GPR179: variants seen among roughly 807,000 people sequenced by gnomAD.
The protein encoded by GPR179 is probable G protein-coupled receptor 179.
A neutral mutation model predicts 70.8 loss-of-function variants in GPR179; 52 were observed. The ratio of observed to expected loss-of-function variants is 0.73; its 90% CI spans 0.59 to 0.93. The LOEUF (loss-of-function observed/expected upper bound fraction) is 0.93, where lower values mean the gene tolerates loss of function less well. Among genes scored for constraint, GPR179 ranks in the 40% least tolerant of loss-of-function variants. The pLI is 0.00. For synonymous variants in GPR179, 1,123 were observed against 1,169.0 expected (o/e 0.96, Z 0.80); for missense variants, 2,734 against 2,966.8 (o/e 0.92, Z 1.82).
At position 38,331,159 on chromosome 17, in the gene GPR179, G is replaced by A. The variant is rs201086495; in HGVS notation, c.2410C>T (p.Arg804Trp). The A allele has an allele frequency of 5.9e-4, 950 of 1,607,552 alleles. 5 individuals carry two copies. The Middle Eastern group carries it at 6.0e-3, about 10-fold the overall frequency. Residue 804 changes from arginine (R) to tryptophan (W), a missense_variant, in exon 11 of 11, where the codon CGG becomes TGG. By Grantham distance (101) the Arg-to-Trp change is moderately radical (BLOSUM62 -3). Transcript: ENST00000616987. The stretch of plus-strand genomic sequence containing the variant: ...GCAGGGGGCCCCTCCACCGACTCCC[G>A]GCTCTCTGTTCGAGAGGCCTTCTTG... Reference protein sequence around the residue: ...LAKKASRTESRESVEGPPALG... With the variant: ...LAKKASRTESWESVEGPPALG...
rs546199710 is a variant in GPR179, at chr17:38,326,510, A to C, written c.7059T>G (p.Tyr2353Ter). ...DSGQVAFEAQ[Y>*]EEFTPPTVYP... ...AGACAGTGGGAGGGGTGAATTCTTC[A>C]TACTGAGCTTCAAAAGCCACTTGGC... The change falls in exon 11 of 11, where the codon TAT (tyrosine) becomes TAG (stop). Residue 2353 changes from tyrosine to a stop codon, truncating the protein, a stop_gained. Transcript: ENST00000616987. LOFTEE classifies it high-confidence loss of function. The C allele has an allele frequency of 6.8e-6, 11 of 1,613,790 alleles. No individual in the cohort carries two copies. In the South Asian group the frequency reaches 8.8e-5, roughly 13 times the overall value.
chr17:38,333,166 A>G, intron 10 of GPR179, 85 bp downstream of exon 10: 1 of 1,277,648 alleles, frequency 7.8e-7, no homozygotes, highest in East Asian at 2.3e-5. Context: ...GCAGTGGCAC[A>G]TAGCCCAGGT....
chr17:38,329,445 A>T lies in GPR179; in HGVS notation c.4124T>A (p.Ile1375Asn). 1 of 1,613,028 alleles carries T rather than the reference A, an allele frequency of 6.2e-7. No homozygotes were observed. The highest frequency in any genetic ancestry group is 1.3e-5 in the African/African-American group (1 of 74,578). ...AAGPEAHTPDITKAEPCPWEA... is the reference protein window; with the variant it reads ...AAGPEAHTPDNTKAEPCPWEA... ...CCAGGGACACGGCTCTGCCTTGGTG[A>T]TGTCAGGGGTATGAGCTTCTGGGCC... The change falls in exon 11 of 11, where the codon ATC becomes AAC. Residue 1375 changes from isoleucine (I) to asparagine (N), a missense_variant. Coordinates refer to ENST00000616987, the MANE Select transcript of GPR179 (RefSeq NM_001004334.4).
rs760586365 is a variant in GPR179, at chr17:38,325,398, T to A, written c.*1067A>T. ...TGGCTGTGTACAGGACTGCCTTTCTTGAGCTCCTCTGGAAGGAGATTGATG... is the reference window on the plus strand; with the variant it reads ...TGGCTGTGTACAGGACTGCCTTTCTAGAGCTCCTCTGGAAGGAGATTGATG... On this transcript the variant is annotated 3_prime_UTR_variant, in exon 11 of 11. Transcript: ENST00000616987. The A allele has an allele frequency of 1.4e-5, 2 of 141,056 alleles. No homozygotes were observed. Among genetic ancestry groups the A allele is most frequent in the Non-Finnish European group, 3.0e-5 (2 of 67,168 alleles). The allele number at this position is 141,056 out of a possible 1,614,324, so 8.7% of individuals were successfully genotyped here.
At position 38,343,327 on chromosome 17, in the gene GPR179, G is replaced by A. The variant is rs2037466720; in HGVS notation, c.463C>T (p.Pro155Ser). ...YRALLTFNPPPGASHLQLALQ... is the reference protein window; with the variant it reads ...YRALLTFNPPSGASHLQLALQ... ...GCCAGCTGTAGGTGGCTGGCCCCTGGTGGAGGGTTAAAGGTCAGCAAAGCC... is the reference window on the plus strand; with the variant it reads ...GCCAGCTGTAGGTGGCTGGCCCCTGATGGAGGGTTAAAGGTCAGCAAAGCC... The change falls in exon 1 of 11, where the codon CCA becomes TCA. Residue 155 changes from proline (P) to serine (S), a missense_variant. Physicochemically the swap from Pro to Ser is moderately conservative, Grantham distance 74. Coordinates refer to ENST00000616987, the MANE Select transcript of GPR179 (RefSeq NM_001004334.4). The surrounding 1 kb of genome is among the most constrained non-coding windows in gnomAD (Gnocchi z 4.2). 6.2e-7 allele frequency: 1 copy of A among 1,614,156 alleles called. No individual in the cohort carries two copies. Among genetic ancestry groups the A allele is most frequent in the Non-Finnish European group, 8.5e-7 (1 of 1,180,012 alleles).
intron 1 of GPR179, 109 bp downstream of exon 1, chr17:38,342,887 C>G: frequency 2.8e-6 from 3 of 1,064,288 alleles, no homozygotes; most frequent in Non-Finnish European, 4.1e-6. Context: ...TGTGTGCCCC[C>G]CAGGCATGCA....
rs932131291 is a variant in GPR179, at chr17:38,334,579, C to T, written c.1784+125G>A. On this transcript the variant is annotated intron_variant, in intron 8 of 10. Coordinates refer to ENST00000616987, the MANE Select transcript of GPR179 (RefSeq NM_001004334.4). The surrounding 1 kb of genome is among the most constrained non-coding windows in gnomAD (Gnocchi z 4.7). ...TAGGGAGAGAGCCAGAAGTGGGGGC[C>T]TTCGTCAACGTGCTGAGGCGTAGCA... is the stretch of plus-strand genomic sequence containing the variant. The T allele has an allele frequency of 3.0e-6, 3 of 1,012,316 alleles. No homozygotes were observed. The highest frequency in any genetic ancestry group is 3.2e-5 in the African/African-American group (2 of 63,208). 62.7% of individuals were successfully genotyped at this position (1,012,316 alleles called of 1,614,324 possible). A position where few individuals can be genotyped will look rare whatever the true frequency, so the allele number is the denominator to read the frequency against.
rs1401813884 is a variant in GPR179, at chr17:38,330,548, C to G, written c.3021G>C (p.Val1007=). 16 of 1,569,594 alleles carry G rather than the reference C, an allele frequency of 1.0e-5. No individual in the cohort carries two copies. The East Asian group carries it at 3.6e-4, about 35-fold the overall frequency. ...CTGGCCCTGAGGGGCCTTCCTGGGG[C>G]ACATTTTCTTGCTTGGCTGGCAGTT... The part of the protein sequence containing the change: ...NAELPAKQEN[V]PQEGPSGPER... The change falls in exon 11 of 11, where the codon GTG becomes GTC. Residue 1007 remains valine, a synonymous_variant. Coordinates refer to ENST00000616987, the MANE Select transcript of GPR179 (RefSeq NM_001004334.4).
At chr17:38,340,177 C>A (rs1232645354) in intron 1 of GPR179, among the ~76,000 whole-genome samples, 4 of 152,206 alleles carry the variant, frequency 2.6e-5, no homozygotes, top group South Asian at 4.1e-4. Context: ...TGCTCTGTTG[C>A]CCAGGCTGGA....
intron 6 of GPR179, 115 bp downstream of exon 6, chr17:38,335,476 G>C: frequency 1.2e-6 from 1 of 831,412 alleles, no homozygotes; most frequent in Non-Finnish European, 2.0e-6. Flanking sequence ...GTTGGCCTTG[G>C]GGGTAGAGGG....
In GPR179 at chr17:38,334,007, A is replaced by C; in HGVS notation, c.1816T>G (p.Trp606Gly). 1.2e-6 allele frequency: 2 copies of C among 1,613,996 alleles called. No homozygotes were observed. The highest frequency in any genetic ancestry group is 1.7e-6 in the Non-Finnish European group (2 of 1,179,930). Residue 606 changes from tryptophan (W) to glycine (G), a missense_variant, in exon 9 of 11, where the codon TGG (tryptophan) becomes GGG (glycine). By Grantham distance (184) the Trp-to-Gly change is radical. Transcript: ENST00000616987. The surrounding 1 kb of genome is among the most constrained non-coding windows in gnomAD (Gnocchi z 4.7). The stretch of plus-strand genomic sequence containing the variant: ...TGGAAGAAGAAGAGGAGGAGGGTCC[A>C]GTCCGGGTGCAGAGAGGGAACCAGC... ...FVLVPSLHPD[W>G]TLLLFFFHTH...
At position 38,330,877 on chromosome 17, in the gene GPR179, G is replaced by A. The variant is rs753039542; in HGVS notation, c.2692C>T (p.Pro898Ser). The A allele has an allele frequency of 5.6e-6, 9 of 1,600,848 alleles. No homozygotes were observed. Among genetic ancestry groups the A allele is most frequent in the Non-Finnish European group, 7.7e-6 (9 of 1,174,264 alleles). Residue 898 changes from proline to serine, a missense_variant, in exon 11 of 11, where the codon CCC (proline) becomes TCC (serine). Pro to Ser is a moderately conservative substitution (Grantham distance 74, BLOSUM62 -1). Transcript: ENST00000616987. ...ARRLERPRGA[P>S]LSAPPSPAKS... ...GCAGGGGAAGGTGGAGCTGACAGGG[G>A]GGCCCCTCGAGGCCGCTCCAGCCTC... is the stretch of plus-strand genomic sequence containing the variant.
chr17:38,336,701 C>G (rs1208590695), intron 4 of GPR179, among the ~76,000 whole-genome samples: 1 of 152,226 alleles, frequency 6.6e-6, no homozygotes, highest in Admixed American at 6.5e-5. Context: ...AAACTGGGAA[C>G]TCCATGCAGG....
Position 38,330,126 on chromosome 17 carries a change from T to C in GPR179, c.3443A>G (p.Asp1148Gly), listed in dbSNP as rs779853384. The C allele has an allele frequency of 1.2e-6, 2 of 1,607,142 alleles. No individual in the cohort carries two copies. The highest frequency in any genetic ancestry group is 1.7e-6 in the Non-Finnish European group (2 of 1,176,168). Residue 1148 changes from aspartate (D) to glycine (G), a missense_variant, in exon 11 of 11, where the codon GAT becomes GGT. Coordinates refer to ENST00000616987, the MANE Select transcript of GPR179 (RefSeq NM_001004334.4). ...VSKQAALIPS[D>G]DKESLQNQQN... is the part of the protein sequence containing the mutation. ...TTGGTTCTGGAGGGACTCCTTGTCA[T>C]CGGAGGGGATAAGAGCGGCCTGCTT...
chr17:38,336,708 C>T (rs1191025949), intron 4 of GPR179, among the ~76,000 whole-genome samples: 1 of 152,218 alleles, frequency 6.6e-6, no homozygotes, highest in Non-Finnish European at 1.5e-5. Flanking sequence ...GAACTCCATG[C>T]AGGCCCAGAT....
intron 4 of GPR179, 67 bp from the exon 5 acceptor site, chr17:38,336,211 TGTGAACGGTCACTCA>T: frequency 9.2e-7 from 1 of 1,086,340 alleles, no homozygotes; most frequent in Non-Finnish European, 1.4e-6. Flanking sequence ...CTCAGGCCTA[TGTGAACGGTCACTCA>T]GTGACCCTGA....
rs757925671 is a variant in GPR179 at position 38,330,283 on chromosome 17, G to A, written c.3286C>T (p.Arg1096Cys). Residue 1096 changes from arginine to cysteine, a missense_variant, in exon 11 of 11, where the codon CGT becomes TGT. Arg to Cys is a radical substitution (Grantham distance 180). Coordinates refer to ENST00000616987, the MANE Select transcript of GPR179 (RefSeq NM_001004334.4). ...SLGLAIKALTRSRSTYREKES... is the reference protein window; with the variant it reads ...SLGLAIKALTCSRSTYREKES... ...TTCTCTCTGTAGGTGCTCCGAGAAC[G>A]GGTCAGAGCTTTAATCGCCAGCCCC... is the stretch of plus-strand genomic sequence containing the variant. The A allele has an allele frequency of 6.8e-6, 11 of 1,606,794 alleles. No individual in the cohort carries two copies. Among genetic ancestry groups the A allele is most frequent in the Admixed American group, 3.4e-5 (2 of 59,004 alleles).
In GPR179 at chr17:38,343,628, C is replaced by T. The variant is rs1449061154; in HGVS notation, c.162G>A (p.Glu54=). The change falls in exon 1 of 11, where the codon GAG becomes GAA. Residue 54 remains glutamate (E), a synonymous_variant. Coordinates refer to ENST00000616987, the MANE Select transcript of GPR179 (RefSeq NM_001004334.4). This position sits in a 1 kb window ranked among gnomAD's most constrained non-coding sequence, Gnocchi z 4.2. ...PGSVPMQVPL[E]GAEAALAYLY... ...GATAAGCGAGGGCGGCCTCGGCCCC[C>T]TCTAGGGGCACCTGCATGGGTACAG... 2 of 1,613,804 alleles carry T rather than the reference C, an allele frequency of 1.2e-6. No homozygotes were observed. Among genetic ancestry groups the T allele is most frequent in the Non-Finnish European group, 1.7e-6 (2 of 1,179,974 alleles).
rs1242038329 is a variant in GPR179 at position 38,325,885 on chromosome 17, A to C, written c.*580T>G. On this transcript the variant is annotated 3_prime_UTR_variant, in exon 11 of 11. Transcript: ENST00000616987. ...TCAAAGTCAAAATGACAAGGTCCTTAAAGCATTTTCAGGCCCCTATTTTGA... is the reference window on the plus strand; with the variant it reads ...TCAAAGTCAAAATGACAAGGTCCTTCAAGCATTTTCAGGCCCCTATTTTGA... 2 of 152,396 alleles carry C rather than the reference A, an allele frequency of 1.3e-5. No homozygotes were observed. The highest frequency in any genetic ancestry group is 2.9e-5 in the Non-Finnish European group (2 of 68,150). 9.4% of individuals were successfully genotyped at this position (152,396 alleles called of 1,614,324 possible).
Sources: gnomAD v4.1 joint callset for allele counts (sites outside exome capture counted in the v4.1 genomes callset) on GRCh38, gnomAD v4.1.1 for gene constraint, Gnocchi (gnomAD v3.1) non-coding constraint, MANE v1.5 for transcripts, NCBI Gene and HGNC (gene_info 2026-07-23, HGNC 2026-07-21) for gene names.